Variants in PARN observed in about 807,000 individuals in gnomAD.
PARN encodes poly(A)-specific ribonuclease.
In PARN, 71 loss-of-function variants were observed where a neutral mutation model predicts 102.8. The observed-to-expected ratio is 0.69, with a 90% CI of 0.57 to 0.84. The LOEUF (loss-of-function observed/expected upper bound fraction) is 0.84, where lower values mean the gene tolerates loss of function less well. Ranked by LOEUF, PARN falls within the 40% of genes least tolerant of loss-of-function variation. The pLI, the probability that PARN is intolerant of heterozygous loss-of-function variation, is 0.00. For missense variants in PARN, 782 were observed against 760.9 expected, an observed-to-expected ratio of 1.03 and a Z score of -0.33; for synonymous variants, 261 against 252.9, an observed-to-expected ratio of 1.03 and a Z score of -0.30.
At chr16:14,484,037 T>C (rs1963526084) in intron 21 of PARN, among the ~76,000 whole-genome samples, 1 of 152,200 alleles carries the variant, frequency 6.6e-6, no homozygotes, top group Non-Finnish European at 1.5e-5. Flanking sequence ...ATCATTCTTA[T>C]GCCTTTGCTT....
chr16:14,572,561 T>A (rs182338995), intron 18 of PARN, among the ~76,000 whole-genome samples: 50 of 152,334 alleles, frequency 3.3e-4, no homozygotes, highest in African/African-American at 1.1e-3. Context: ...CATCTGTACA[T>A]ACAGCTGTTA....
intron 6 of PARN, 61 bp from the exon 7 acceptor site, chr16:14,610,870 T>A: frequency 8.5e-7 from 1 of 1,181,318 alleles, no homozygotes; most frequent in Non-Finnish European, 1.2e-6. Flanking sequence ...AAAATTTGTT[T>A]AACAAACCAA....
intron 18 of PARN, among the ~76,000 whole-genome samples, chr16:14,561,178 A>G (rs1968036975): frequency 6.6e-6 from 1 of 151,956 alleles, no homozygotes; most frequent in African/African-American, 2.4e-5. Flanking sequence ...AAAAAAAAGA[A>G]AAGGGCGGGA....
At chr16:14,469,052 C>G (rs1472323816) in intron 22 of PARN, among the ~76,000 whole-genome samples, 16 of 152,140 alleles carry the variant, frequency 1.1e-4, no homozygotes, top group Non-Finnish European at 5.9e-5. Context: ...AATCCCAGCA[C>G]TTTGGGAGGT....
At chr16:14,571,972 T>A (rs927738084) in intron 18 of PARN, among the ~76,000 whole-genome samples, 1 of 152,122 alleles carries the variant, frequency 6.6e-6, no homozygotes. Flanking sequence ...TGGAAATGAA[T>A]CCTATGGAGT....
At chr16:14,507,551 T>C (rs1964961078) in intron 21 of PARN, among the ~76,000 whole-genome samples, 1 of 151,260 alleles carries the variant, frequency 6.6e-6, no homozygotes, top group Non-Finnish European at 1.5e-5. Flanking sequence ...AAAAAAGGCA[T>C]GGTGGTGTGT....
intron 18 of PARN, among the ~76,000 whole-genome samples, chr16:14,560,124 A>C (rs1156949905): frequency 6.6e-6 from 1 of 152,236 alleles, no homozygotes; most frequent in Non-Finnish European, 1.5e-5. Flanking sequence ...ATTTGATAAA[A>C]TACTTCACAT....
At chr16:14,509,450 G>T (rs1339792059) in intron 21 of PARN, among the ~76,000 whole-genome samples, 2 of 152,114 alleles carry the variant, frequency 1.3e-5, no homozygotes, top group East Asian at 1.9e-4. Flanking sequence ...TTTTTCTTTG[G>T]CTAACAGTTT....
intron 21 of PARN, among the ~76,000 whole-genome samples, chr16:14,505,565 T>A (rs1168056599): frequency 6.6e-6 from 1 of 151,980 alleles, no homozygotes; most frequent in Non-Finnish European, 1.5e-5. Context: ...AACTCAGGAT[T>A]AATCTAAGCA....
chr16:14,617,562 T>G, intron 6 of PARN, 28 bp downstream of exon 6: 3 of 1,116,080 alleles, frequency 2.7e-6, no homozygotes, highest in Non-Finnish European at 4.1e-6. Flanking sequence ...GTTTATAAGC[T>G]CTAAAGATAG....
rs539262382 is a variant in PARN at position 14,463,329 on chromosome 16, AGGTAAAATTTATAATATAT to A, written c.1671-16267_1671-16249del. 3.9e-3 allele frequency among the ~76,000 whole-genome samples: 601 copies of A among 152,372 alleles called. 6 individuals carry two copies. The highest frequency in any genetic ancestry group is 0.014 in the African/African-American group (566 of 41,586). On this transcript the variant is annotated intron_variant, in intron 22 of 23. Transcript: ENST00000437198. ...ATACAAAAATATCTAGTACACCACA[AGGTAAAATTTATAATATAT>A]GGTAAAATTTATAATATAAAGACTA...
intron 19 of PARN, 70 bp from the exon 20 acceptor site, chr16:14,554,221 G>C: frequency 9.7e-7 from 1 of 1,028,194 alleles, no homozygotes; most frequent in South Asian, 1.4e-5. Flanking sequence ...ACTCTTTGAT[G>C]AAACTAAGTC....
chr16:14,592,530 C>A (rs1178608389), intron 13 of PARN, among the ~76,000 whole-genome samples: 4 of 152,214 alleles, frequency 2.6e-5, no homozygotes, highest in Admixed American at 6.5e-5. Context: ...GGAACCAAAG[C>A]AGCTTGTGCT....
intron 2 of PARN, among the ~76,000 whole-genome samples, 184 bp downstream of exon 2, chr16:14,629,413 C>G (rs1972890108): frequency 6.6e-6 from 1 of 152,212 alleles, no homozygotes; most frequent in Non-Finnish European, 1.5e-5. Flanking sequence ...AAACCTACGG[C>G]GTATCTTCAT....
At chr16:14,567,485 G>C (rs941494476) in intron 18 of PARN, among the ~76,000 whole-genome samples, 2 of 152,166 alleles carry the variant, frequency 1.3e-5, no homozygotes, top group African/African-American at 4.8e-5. Flanking sequence ...GTGCTGCCTA[G>C]TCCAGGTTCA....
At chr16:14,478,522 C>T (rs1246691173) in intron 22 of PARN, among the ~76,000 whole-genome samples, 1 of 152,128 alleles carries the variant, frequency 6.6e-6, no homozygotes, top group African/African-American at 2.4e-5. Context: ...CTTCTCCTCC[C>T]TAATACTGGA....
intron 22 of PARN, among the ~76,000 whole-genome samples, chr16:14,453,494 A>G (rs909082082): frequency 6.6e-6 from 1 of 152,226 alleles, no homozygotes; most frequent in African/African-American, 2.4e-5. Flanking sequence ...TTAAATGTAC[A>G]GTTTGGTTAA....
chr16:14,600,728 C>A (rs1223796495), intron 11 of PARN, among the ~76,000 whole-genome samples: 2 of 152,054 alleles, frequency 1.3e-5, no homozygotes, highest in African/African-American at 4.8e-5. Context: ...GTCGGGAGTT[C>A]GAGACCAGCC....
rs767942651 is a variant in PARN at position 14,435,896 on chromosome 16, T to TCTCACA, written c.*820_*821insTGTGAG. 3 of 131,076 alleles carry TCTCACA rather than the reference T, an allele frequency of 2.3e-5. No individual in the cohort carries two copies. The highest frequency in any genetic ancestry group is 3.2e-5 in the Non-Finnish European group (2 of 62,818). The allele number at this position is 131,076 out of a possible 1,614,324, so 8.1% of individuals were successfully genotyped here. ...GGACATGTTGTAGATTTGCACGATT[T>TCTCACA]CACACACACACACACACACACACAC... On this transcript the variant is annotated 3_prime_UTR_variant, in exon 24 of 24. Transcript: ENST00000437198.
Sources: gnomAD v4.1 joint callset for allele counts (sites outside exome capture counted in the v4.1 genomes callset) on GRCh38, gnomAD v4.1.1 for gene constraint, MANE v1.5 for transcripts, NCBI Gene and HGNC (gene_info 2026-07-23, HGNC 2026-07-21) for gene names.